Variants in EEF2KMT observed in about 807,000 individuals in gnomAD.
EEF2KMT encodes the protein protein-lysine N-methyltransferase EEF2KMT.
A neutral mutation model predicts 35.1 loss-of-function variants in EEF2KMT; 30 were observed. The observed-to-expected ratio is 0.85, with a 90% confidence interval of 0.64 to 1.16. EEF2KMT has a LOEUF of 1.16. EEF2KMT is among the 50% of genes most tolerant of loss of function. The pLI, the probability that EEF2KMT is intolerant of heterozygous loss-of-function variation, is 0.00. For synonymous variants in EEF2KMT, 190 were observed against 187.7 expected (o/e 1.01, Z -0.10); for missense variants, 499 against 438.2 (o/e 1.14, Z -1.24).
At position 5,097,678 on chromosome 16, in the gene EEF2KMT, A is replaced by AG. The variant is rs921012965; in HGVS notation, c.61dup (p.Leu21ProfsTer25). On this transcript the variant is annotated frameshift_variant, in exon 1 of 8. Coordinates refer to ENST00000427587, the MANE Select transcript of EEF2KMT (RefSeq NM_201400.4). LOFTEE classifies it high-confidence loss of function. ...GAAGGAGCGCAGTGTGCGTGCCGCC[A>AG]GGAAGCGGCGCTCGAAACTCTGCAG... 3 of 1,580,090 alleles carry AG rather than the reference A, an allele frequency of 1.9e-6. No homozygotes were observed. In the African/African-American group the frequency reaches 4.0e-5, roughly 21 times the overall value.
In EEF2KMT at chr16:5,089,274, G is replaced by T. The variant is rs1442585950; in HGVS notation, c.743-18C>A. ...CAGCACATCTATGGTGAAAGCTTCA[G>T]GTTACTGAAAGGGACCAGTGGACAG... On this transcript the variant is annotated intron_variant, in intron 6 of 7. Transcript: ENST00000427587. 1.2e-6 allele frequency: 2 copies of T among 1,601,198 alleles called. No individual in the cohort carries two copies. Among genetic ancestry groups the T allele is most frequent in the Non-Finnish European group, 1.7e-6 (2 of 1,179,746 alleles).
intron 2 of EEF2KMT, among the ~76,000 whole-genome samples, chr16:5,095,074 G>T (rs1324649441): frequency 2.0e-5 from 3 of 152,184 alleles, no homozygotes; most frequent in Non-Finnish European, 2.9e-5. Flanking sequence ...TTTAGGTCTA[G>T]AGGAGACAGG....
intron 6 of EEF2KMT, among the ~76,000 whole-genome samples, chr16:5,089,712 G>A (rs1957299349): frequency 6.6e-6 from 1 of 152,184 alleles, no homozygotes. Flanking sequence ...GACTGAGTGT[G>A]CTGGCAGGGG....
intron 1 of EEF2KMT, 70 bp downstream of exon 1, chr16:5,097,574 G>A: frequency 6.6e-7 from 1 of 1,525,916 alleles, no homozygotes. Flanking sequence ...GCTTCAGCAC[G>A]GAGACCCGTC....
At position 5,095,448 on chromosome 16, in the gene EEF2KMT, T is replaced by C; in HGVS notation, c.159+4A>G. On this transcript the variant is annotated splice_donor_region_variant and intron_variant, in intron 2 of 7. Coordinates refer to ENST00000427587, the MANE Select transcript of EEF2KMT (RefSeq NM_201400.4). ...ATGAGTCCCAGGGACTCTGGGATTC[T>C]TACCTTGTGCAAAATATCCCGCAGC... The C allele has an allele frequency of 6.2e-7, 1 of 1,611,662 alleles. No homozygotes were observed.
intron 6 of EEF2KMT, chr16:5,089,486 T>G: frequency 1.6e-6 from 1 of 640,258 alleles, no homozygotes. Flanking sequence ...CCAGACTCAC[T>G]GGTGTTCCTT....
rs137885504 is a variant in EEF2KMT at position 5,089,229 on chromosome 16, A to T, written c.770T>A (p.Met257Lys). The T allele has an allele frequency of 8.7e-5, 140 of 1,606,970 alleles. No individual in the cohort carries two copies. Among genetic ancestry groups the T allele is most frequent in the Non-Finnish European group, 7.0e-5 (82 of 1,179,830 alleles). The change falls in exon 7 of 8, where the codon ATG becomes AAG. Residue 257 changes from methionine (M) to lysine (K), a missense_variant. Physicochemically the swap from Met to Lys is moderately conservative, Grantham distance 95. Coordinates refer to ENST00000427587, the MANE Select transcript of EEF2KMT (RefSeq NM_201400.4). ...CCTCCGCAGGACCCCGACCAGCGACATGATGGCTTCTGGGCAATACAGCAC... is the reference window on the plus strand; with the variant it reads ...CCTCCGCAGGACCCCGACCAGCGACTTGATGGCTTCTGGGCAATACAGCAC... ...ADVLYCPEAI[M>K]SLVGVLRRLA...
At chr16:5,093,790 C>A (rs35703622) in intron 2 of EEF2KMT, among the ~76,000 whole-genome samples, 1 of 151,832 alleles carries the variant, frequency 6.6e-6, no homozygotes, top group Admixed American at 6.6e-5. Flanking sequence ...GCATTTCTAA[C>A]GCCCATTCTG....
At chr16:5,091,265 A>G (rs1386003494) in intron 4 of EEF2KMT, among the ~76,000 whole-genome samples, 2 of 152,292 alleles carry the variant, frequency 1.3e-5, no homozygotes, top group East Asian at 3.9e-4. Flanking sequence ...TATTTTTAGT[A>G]AAGATGGAGT....
intron 3 of EEF2KMT, 145 bp downstream of exon 3, chr16:5,093,339 C>T: frequency 7.9e-7 from 1 of 1,265,004 alleles, no homozygotes; most frequent in Non-Finnish European, 1.1e-6. Context: ...TCCCATGGGT[C>T]ACATGTGGCT....
chr16:5,093,468 A>G lies in EEF2KMT; in HGVS notation c.240+16T>C, dbSNP rs752761801. Reference sequence around the variant, plus strand: ...TATGCTGTCCGGCTACTGGGCGGACACTGCCCATAACTGACCTTTTTGATG... The same window carrying G: ...TATGCTGTCCGGCTACTGGGCGGACGCTGCCCATAACTGACCTTTTTGATG... On this transcript the variant is annotated intron_variant, in intron 3 of 7. Coordinates refer to ENST00000427587, the MANE Select transcript of EEF2KMT (RefSeq NM_201400.4). 6.0e-5 allele frequency: 97 copies of G among 1,611,910 alleles called. No homozygotes were observed. The highest frequency in any genetic ancestry group is 7.6e-5 in the Non-Finnish European group (90 of 1,179,860).
rs867254041 is a variant in EEF2KMT at position 5,089,465 on chromosome 16, G to C, written c.743-209C>G. 3.2e-5 allele frequency: 23 copies of C among 713,580 alleles called. No homozygotes were observed. In the Admixed American group the frequency reaches 6.8e-4, roughly 21 times the overall value. 44.2% of individuals were successfully genotyped at this position (713,580 alleles called of 1,614,324 possible). A position where few individuals can be genotyped will look rare whatever the true frequency, so the allele number is the denominator to read the frequency against. On this transcript the variant is annotated intron_variant, in intron 6 of 7. Transcript: ENST00000427587. ...AAAGCTGCAAAAGACCGAAGCAAAA[G>C]AAAAAAATCTCCAGACTCACTGGTG...
intron 6 of EEF2KMT, among the ~76,000 whole-genome samples, chr16:5,089,584 C>T (rs539300208): frequency 6.6e-6 from 1 of 152,332 alleles, no homozygotes; most frequent in South Asian, 2.1e-4. Flanking sequence ...TTTCAGGCAT[C>T]TGCTGATTTG....
chr16:5,085,040 C>CTT lies in EEF2KMT; in HGVS notation c.*591_*592insAA. The CTT allele has an allele frequency of 1.4e-6, 2 of 1,383,344 alleles. No homozygotes were observed. Among genetic ancestry groups the CTT allele is most frequent in the Non-Finnish European group, 9.9e-7 (1 of 1,010,308 alleles). 85.7% of individuals were successfully genotyped at this position (1,383,344 alleles called of 1,614,324 possible). ...TGGTAAAAGAATTGGTTCTGTGACC[C>CTT]GGGAAGCTTTGGTTGGCCTTGATTT... On this transcript the variant is annotated 3_prime_UTR_variant, in exon 8 of 8. Coordinates refer to ENST00000427587, the MANE Select transcript of EEF2KMT (RefSeq NM_201400.4).
chr16:5,092,245 C>T (rs1341082349), intron 3 of EEF2KMT, among the ~76,000 whole-genome samples: 2 of 152,122 alleles, frequency 1.3e-5, no homozygotes, highest in African/African-American at 2.4e-5. Flanking sequence ...GGGCAGGAGA[C>T]AAGGATTCCG....
rs1288589384 is a variant in EEF2KMT, at chr16:5,085,682, A to G, written c.943T>C (p.Phe315Leu). ...ATCTCCAAGTGCTCTTCGTAGGGAA[A>G]CAGTTTCTGCTCATGACGAGGTTCC... The part of the protein sequence containing the change: ...EVEPRHEQKL[F>L]PYEEHLEMAM... Residue 315 changes from phenylalanine to leucine, a missense_variant, in exon 8 of 8, where the codon TTT (phenylalanine) becomes CTT (leucine). Physicochemically the swap from Phe to Leu is conservative, Grantham distance 22. Transcript: ENST00000427587. 5 of 1,611,780 alleles carry G rather than the reference A, an allele frequency of 3.1e-6. No homozygotes were observed. The Admixed American group carries it at 8.3e-5, about 27-fold the overall frequency.
chr16:5,091,623 G>T (rs1567179854), intron 4 of EEF2KMT, among the ~76,000 whole-genome samples, 171 bp downstream of exon 4: 1 of 152,246 alleles, frequency 6.6e-6, no homozygotes, highest in South Asian at 2.1e-4. Flanking sequence ...TGTTGTTGTT[G>T]AAGTGCCTGA....
Position 5,093,616 on chromosome 16 carries a change from T to C in EEF2KMT, c.160-52A>G, listed in dbSNP as rs767185383. On this transcript the variant is annotated intron_variant, in intron 2 of 7. Coordinates refer to ENST00000427587, the MANE Select transcript of EEF2KMT (RefSeq NM_201400.4). Reference sequence around the variant, plus strand: ...GCTCGAGAGCCCGTCTTAAGTCTCCTATGAGCTTCAAGCCAACACAGCAGA... The same window carrying C: ...GCTCGAGAGCCCGTCTTAAGTCTCCCATGAGCTTCAAGCCAACACAGCAGA... 3.7e-6 allele frequency: 6 copies of C among 1,609,908 alleles called. No individual in the cohort carries two copies. The African/African-American group carries it at 5.3e-5, about 14-fold the overall frequency.
chr16:5,089,051 C>G, intron 7 of EEF2KMT, 56 bp downstream of exon 7: 1 of 1,608,846 alleles, frequency 6.2e-7, no homozygotes, highest in Admixed American at 1.7e-5. Context: ...CTTCCACTGG[C>G]GTCCTGCAGG....
Sources: allele counts gnomAD v4.1 joint callset (sites outside exome capture counted in the v4.1 genomes callset), GRCh38; gene constraint gnomAD v4.1.1; transcripts MANE v1.5; gene names NCBI Gene and HGNC (gene_info 2026-07-23, HGNC 2026-07-21).